The following KLHL13 variants were observed in gnomAD, a reference collection of about 807,000 sequenced individuals.
KLHL13 encodes kelch like family member 13.
KLHL13 carries 10 observed loss-of-function variants against 37.1 expected under a neutral mutation model. The observed-to-expected ratio is 0.27, with a 90% confidence interval of 0.17 to 0.46. The LOEUF (loss-of-function observed/expected upper bound fraction) is 0.46, where lower values mean the gene tolerates loss of function less well. Ranked by LOEUF, KLHL13 falls within the 20% of genes least tolerant of loss-of-function variation. KLHL13 has a pLI of 1.00. For synonymous variants in KLHL13, 163 were observed against 181.2 expected (o/e 0.90, Z 0.81); for missense variants, 360 against 509.3 (o/e 0.71, Z 2.82).
chrX:117,930,629 G>T lies in KLHL13; in HGVS notation c.241-10259C>A, dbSNP rs148383943. Among the ~76,000 whole-genome samples the T allele has an allele frequency of 9.2e-3, 1,025 of 111,530 alleles. 17 individuals carry two copies. The highest frequency in any genetic ancestry group is 0.031 in the African/African-American group (948 of 30,660). On this transcript the variant is annotated intron_variant, in intron 2 of 6. Coordinates refer to ENST00000262820, the Ensembl canonical transcript of KLHL13. ...ATACTCAATTGAGAGAGCAGGACAA[G>T]AACACACTGAAGTGGCCTAAAAAGG... is the stretch of plus-strand genomic sequence containing the variant.
chrX:117,928,426 AT>A, intron 2 of KLHL13, among the ~76,000 whole-genome samples: 1 of 111,910 alleles, frequency 8.9e-6, no homozygotes, highest in Non-Finnish European at 1.9e-5. Flanking sequence ...TATGTGAAAC[AT>A]TTACAAGATA....
chrX:118,112,912 T>C (rs973114630), intron 1 of KLHL13, among the ~76,000 whole-genome samples: 9 of 112,044 alleles, frequency 8.0e-5, no homozygotes, highest in African/African-American at 2.9e-4. Context: ...TAAAAGAAAA[T>C]GATAAGCCCT....
chrX:118,057,817 G>A (rs1467107572), intron 1 of KLHL13, among the ~76,000 whole-genome samples: 1 of 108,207 alleles, frequency 9.2e-6, no homozygotes. Flanking sequence ...CAGAGCGAGA[G>A]TCCATTTCAA....
chrX:118,019,547 T>G (rs1270776336), intron 1 of KLHL13, among the ~76,000 whole-genome samples: 48 of 111,506 alleles, frequency 4.3e-4, no homozygotes, highest in African/African-American at 1.2e-3. Context: ...TTTTGGTGTT[T>G]TAGACATGAA....
chrX:117,940,368 G>C (rs1932956193), intron 2 of KLHL13, among the ~76,000 whole-genome samples: 1 of 111,640 alleles, frequency 9.0e-6, no homozygotes, highest in South Asian at 3.8e-4. Flanking sequence ...TTTGAAGTCA[G>C]GTAGTGGGAT....
intron 4 of KLHL13, among the ~76,000 whole-genome samples, chrX:117,911,799 T>C (rs1931008850): frequency 3.6e-5 from 4 of 112,364 alleles, no homozygotes; most frequent in Admixed American, 1.9e-4. Context: ...CAGTCTATCA[T>C]TGATTTATTA....
At chrX:118,053,798 T>TGAGAGAGAGAGAGAGAGAGAGGAGAG (rs2054646301) in intron 1 of KLHL13, among the ~76,000 whole-genome samples, 2 of 25,531 alleles carry the variant, frequency 7.8e-5, no homozygotes, top group East Asian at 1.9e-3. Flanking sequence ...TGTGTGTGTG[T>TGAGAGAGAGAGAGAGAGAGAGGAGAG]GAGAGAGAGA....
At chrX:118,056,334 C>A (rs2054684738) in intron 1 of KLHL13, among the ~76,000 whole-genome samples, 1 of 111,432 alleles carries the variant, frequency 9.0e-6, no homozygotes, top group South Asian at 3.8e-4. Context: ...GGAAAACATA[C>A]CATGTTCATG....
chrX:117,940,255 T>C (rs1375828654), intron 2 of KLHL13, among the ~76,000 whole-genome samples: 1 of 111,707 alleles, frequency 9.0e-6, no homozygotes, highest in Admixed American at 9.5e-5. Context: ...TGGTTGTAGA[T>C]GTGTGGCATT....
chrX:117,936,843 T>G (rs1932777056), intron 2 of KLHL13, among the ~76,000 whole-genome samples: 1 of 111,997 alleles, frequency 8.9e-6, no homozygotes, highest in Non-Finnish European at 1.9e-5. Context: ...ATTATGCACC[T>G]TATTTCCATA....
At chrX:117,972,681 TAGA>T in intron 1 of KLHL13, 1 of 1,101,256 alleles carries the variant, frequency 9.1e-7, no homozygotes. Context: ...TGCCACAAGG[TAGA>T]TTCATGAATG....
intron 1 of KLHL13, chrX:117,985,379 C>T: frequency 9.8e-7 from 1 of 1,021,265 alleles, no homozygotes; most frequent in South Asian, 3.7e-5. Flanking sequence ...AGTAGCGCAC[C>T]CCAGTGCATC....
At chrX:117,982,101 G>C (rs150910866) in intron 1 of KLHL13, among the ~76,000 whole-genome samples, 9,163 of 108,512 alleles carry the variant, frequency 0.084, 347 homozygotes, top group Middle Eastern at 0.14. Context: ...ATACACAAAA[G>C]AACACATGTT....
At chrX:117,996,801 A>C (rs2053859325) in intron 1 of KLHL13, among the ~76,000 whole-genome samples, 1 of 107,338 alleles carries the variant, frequency 9.3e-6, no homozygotes, top group African/African-American at 3.5e-5. Flanking sequence ...ATAATACTTC[A>C]GAAAACACTG....
At chrX:117,927,054 T>C (rs769638954) in intron 2 of KLHL13, among the ~76,000 whole-genome samples, 28 of 108,287 alleles carry the variant, frequency 2.6e-4, no homozygotes, top group African/African-American at 8.4e-4. Flanking sequence ...TATAGGCGCA[T>C]GCCGCCACGC....
rs774072237 is a variant in KLHL13 at position 118,095,380 on chromosome X, G to A, written c.-56+21128C>T. Among the ~76,000 whole-genome samples, 13 of 111,326 alleles carry A rather than the reference G, an allele frequency of 1.2e-4. No homozygotes were observed. The East Asian group carries it at 3.1e-3, about 27-fold the overall frequency. ...TATGCACCCAATACAGGAGCACCCA[G>A]ATTCATAAAGCAAGTCCTGAGTGAC... On this transcript the variant is annotated intron_variant, in intron 1 of 6. Transcript: ENST00000371882.
At chrX:118,045,371 CAAAA>C (rs55736320) in intron 1 of KLHL13, among the ~76,000 whole-genome samples, 9 of 72,544 alleles carry the variant, frequency 1.2e-4, no homozygotes, top group Admixed American at 1.6e-4. Context: ...AAGACTCCAT[CAAAA>C]AAAAAAAAAA....
chrX:118,033,852 C>G (rs1368920764), intron 1 of KLHL13, among the ~76,000 whole-genome samples: 7 of 107,066 alleles, frequency 6.5e-5, no homozygotes, highest in South Asian at 4.4e-4. Flanking sequence ...ACCCATCTCA[C>G]GTGCAGAGAC....
intron 1 of KLHL13, among the ~76,000 whole-genome samples, chrX:118,024,265 G>T (rs1215926726): frequency 8.9e-6 from 1 of 111,962 alleles, no homozygotes; most frequent in Non-Finnish European, 1.9e-5. Flanking sequence ...CACTTCTCTG[G>T]TTTGCGGTCA....
Sources: allele counts gnomAD v4.1 joint callset (sites outside exome capture counted in the v4.1 genomes callset), GRCh38; gene constraint gnomAD v4.1.1; transcripts MANE v1.5; gene names NCBI Gene and HGNC (gene_info 2026-07-23, HGNC 2026-07-21).